The following SCCPDH variants were observed in gnomAD, a reference collection of about 807,000 sequenced individuals.
The protein encoded by SCCPDH is saccharopine dehydrogenase (putative), also known as saccharopine dehydrogenase-like oxidoreductase.
A neutral mutation model predicts 51.5 loss-of-function variants in SCCPDH; 34 were observed. The observed-to-expected ratio is 0.66, with a 90% CI of 0.50 to 0.88. The LOEUF is 0.88. Among genes scored for constraint, SCCPDH ranks in the 40% least tolerant of loss-of-function variants. SCCPDH has a pLI of 0.00. For missense variants in SCCPDH, 464 were observed against 527.1 expected, an observed-to-expected ratio of 0.88 and a Z score of 1.17; for synonymous variants, 187 against 191.3, an observed-to-expected ratio of 0.98 and a Z score of 0.19.
intron 9 of SCCPDH, 97 bp downstream of exon 9, chr1:246,760,324 T>A: frequency 1.0e-6 from 1 of 971,414 alleles, no homozygotes. Context: ...TCAGATACTC[T>A]TTTAAGTTCT....
intron 5 of SCCPDH, among the ~76,000 whole-genome samples, chr1:246,751,136 C>A (rs1668846096): frequency 6.6e-6 from 1 of 152,146 alleles, no homozygotes; most frequent in Admixed American, 6.5e-5. Flanking sequence ...CCAAAGAAAC[C>A]CAAATGCCAT....
At chr1:246,747,570 A>T (rs1256746182) in intron 5 of SCCPDH, among the ~76,000 whole-genome samples, 1 of 152,196 alleles carries the variant, frequency 6.6e-6, no homozygotes, top group Non-Finnish European at 1.5e-5. Flanking sequence ...AGGCAACTTT[A>T]CTTCTATAGA....
intron 2 of SCCPDH, among the ~76,000 whole-genome samples, chr1:246,730,380 C>T (rs150482794): frequency 2.7e-4 from 41 of 152,332 alleles, no homozygotes; most frequent in African/African-American, 8.4e-4. Flanking sequence ...TCGTCTCCTC[C>T]ACTGCGTCTT....
intron 9 of SCCPDH, among the ~76,000 whole-genome samples, chr1:246,763,633 ATC>A (rs1669049579): frequency 6.6e-6 from 1 of 152,018 alleles, no homozygotes; most frequent in Admixed American, 6.6e-5. Flanking sequence ...TTGTTATTTA[ATC>A]TGTTTATCTC....
In SCCPDH at chr1:246,767,710, A is replaced by G. The variant is rs898542330; in HGVS notation, c.*410A>G. 6.5e-6 allele frequency: 1 copy of G among 153,170 alleles called. No homozygotes were observed. The highest frequency in any genetic ancestry group is 1.5e-5 in the Non-Finnish European group (1 of 68,794). The allele number at this position is 153,170 out of a possible 1,614,324, so 9.5% of individuals were successfully genotyped here. On this transcript the variant is annotated 3_prime_UTR_variant, in exon 12 of 12. Transcript: ENST00000366510. ...AGGAGGGAAATCTCACCTTCCTTCC[A>G]CATACTGTCTTGAGCCTTTGCTAAA...
intron 3 of SCCPDH, among the ~76,000 whole-genome samples, chr1:246,736,445 C>T (rs1157704329): frequency 6.6e-6 from 1 of 152,096 alleles, no homozygotes; most frequent in Non-Finnish European, 1.5e-5. Context: ...CTCACACCTG[C>T]ACTCCCAGCA....
At chr1:246,761,642 A>C (rs891222046) in intron 9 of SCCPDH, among the ~76,000 whole-genome samples, 1 of 152,166 alleles carries the variant, frequency 6.6e-6, no homozygotes, top group Non-Finnish European at 1.5e-5. Context: ...ATGTAAATGG[A>C]ATCAGTCTTT....
At chr1:246,748,342 C>T (rs1457395142) in intron 5 of SCCPDH, among the ~76,000 whole-genome samples, 3 of 152,144 alleles carry the variant, frequency 2.0e-5, no homozygotes, top group Non-Finnish European at 2.9e-5. Context: ...GTTATCGGCT[C>T]CAGAATTTTA....
At position 246,730,625 on chromosome 1, in the gene SCCPDH, A is replaced by G. The variant is rs548610092; in HGVS notation, c.303+3621A>G. Reference sequence around the variant, plus strand: ...CCAGGGAATGTCTCGTAGTCAGTCCATATAGTAACCGTTAACGGAACGTCA... The same window carrying G: ...CCAGGGAATGTCTCGTAGTCAGTCCGTATAGTAACCGTTAACGGAACGTCA... On this transcript the variant is annotated intron_variant, in intron 2 of 11. Transcript: ENST00000366510. Among the ~76,000 whole-genome samples, 14 of 152,360 alleles carry G rather than the reference A, an allele frequency of 9.2e-5. No homozygotes were observed. The East Asian group carries it at 2.3e-3, about 25-fold the overall frequency.
intron 10 of SCCPDH, 113 bp downstream of exon 10, chr1:246,764,470 G>T: frequency 1.9e-6 from 1 of 531,626 alleles, no homozygotes; most frequent in Non-Finnish European, 3.2e-6. Context: ...AAATACATTT[G>T]TACAAATTAA....
chr1:246,750,242 CGG>C lies in SCCPDH; in HGVS notation c.564+6123_564+6124del, dbSNP rs375859653. Among the ~76,000 whole-genome samples the C allele has an allele frequency of 4.5e-3, 683 of 151,992 alleles. 6 individuals are homozygous for C. Among genetic ancestry groups the C allele is most frequent in the African/African-American group, 0.015 (638 of 41,416 alleles). On this transcript the variant is annotated intron_variant, in intron 5 of 11. Transcript: ENST00000366510. ...AATGTTGGTGTACTGGAAACTCTAG[CGG>C]GGGGGTACCTGTGCTGAAAGACCTA...
At chr1:246,766,703 CTAAT>C (rs2102992231) in intron 11 of SCCPDH, among the ~76,000 whole-genome samples, 1 of 152,250 alleles carries the variant, frequency 6.6e-6, no homozygotes, top group South Asian at 2.1e-4. Context: ...ATAGTAAAAT[CTAAT>C]TAAATTTTTT....
intron 1 of SCCPDH, among the ~76,000 whole-genome samples, chr1:246,726,320 C>G (rs115293233): frequency 0.031 from 4,549 of 148,682 alleles, 224 homozygotes; most frequent in African/African-American, 0.11. Flanking sequence ...TCACTGCAGC[C>G]TTGACCTCTG....
chr1:246,736,915 A>G (rs1049853183), intron 3 of SCCPDH, among the ~76,000 whole-genome samples: 1 of 152,176 alleles, frequency 6.6e-6, no homozygotes, highest in African/African-American at 2.4e-5. Flanking sequence ...AGATGAGGAA[A>G]TTAAAGCTTA....
At position 246,767,755 on chromosome 1, in the gene SCCPDH, A is replaced by G. The variant is rs3314; in HGVS notation, c.*455A>G. 0.22 allele frequency: 31,661 copies of G among 144,756 alleles called. 3,845 individuals are homozygous for G. The highest frequency in any genetic ancestry group is 0.28 in the Middle Eastern group (79 of 278). 9.0% of individuals were successfully genotyped at this position (144,756 alleles called of 1,614,324 possible). ...GCTAAATTAAACTGCACTTTTTGCT[A>G]TTTTTGCCTAGTTTTTCGCCAATCT... On this transcript the variant is annotated 3_prime_UTR_variant, in exon 12 of 12. Coordinates refer to ENST00000366510, the MANE Select transcript of SCCPDH (RefSeq NM_016002.3).
intron 2 of SCCPDH, among the ~76,000 whole-genome samples, chr1:246,732,059 C>T (rs998006435): frequency 6.6e-6 from 1 of 150,964 alleles, no homozygotes; most frequent in Non-Finnish European, 1.5e-5. Flanking sequence ...TTTTTTATGC[C>T]TGTATAGTAT....
intron 4 of SCCPDH, among the ~76,000 whole-genome samples, chr1:246,743,133 T>A (rs1405710085): frequency 6.6e-6 from 1 of 152,114 alleles, no homozygotes; most frequent in East Asian, 1.9e-4. Flanking sequence ...AAGGTGTTTT[T>A]CTGTCACCTA....
intron 4 of SCCPDH, 80 bp from the exon 5 acceptor site, chr1:246,743,996 A>G: frequency 1.3e-6 from 1 of 791,984 alleles, no homozygotes; most frequent in Non-Finnish European, 2.1e-6. Flanking sequence ...CTAAGTGAAT[A>G]CGCATTGTTT....
Position 246,724,582 on chromosome 1 carries a change from C to CG in SCCPDH, c.163dup (p.Val55GlyfsTer17). On this transcript the variant is annotated frameshift_variant, in exon 1 of 12. Transcript: ENST00000366510. LOFTEE classifies it high-confidence loss of function. ...GGGCCGCTCCCGGGAGAAGCTGCAG[C>CG]GGGTGCTGGAGAAGGCGGCCCTGAA... 6.6e-7 allele frequency: 1 copy of CG among 1,521,018 alleles called. No individual in the cohort carries two copies. The highest frequency in any genetic ancestry group is 1.4e-5 in the African/African-American group (1 of 69,736). The allele number at this position is 1,521,018 out of a possible 1,614,324, so 94.2% of individuals were successfully genotyped here.
Sources: allele counts gnomAD v4.1 joint callset (sites outside exome capture counted in the v4.1 genomes callset), GRCh38; gene constraint gnomAD v4.1.1; transcripts MANE v1.5; gene names NCBI Gene and HGNC (gene_info 2026-07-23, HGNC 2026-07-21).